The following IQSEC1 variants were observed in gnomAD, a reference collection of about 807,000 sequenced individuals.
IQSEC1 encodes the protein IQ motif and Sec7 domain ArfGEF 1, also known as IQ motif and SEC7 domain-containing protein 1.
In IQSEC1, 31 loss-of-function variants were observed where a neutral mutation model predicts 91.0. That is an observed-to-expected ratio of 0.34 (90% CI 0.26 to 0.46). The LOEUF is 0.46. IQSEC1 is among the 20% of genes least tolerant of loss of function. The pLI is 1.00. For synonymous variants in IQSEC1, 699 were observed against 662.6 expected (o/e 1.05, Z -0.84); for missense variants, 1,388 against 1,575.6 (o/e 0.88, Z 2.02).
chr3:12,920,467 C>T lies in IQSEC1; in HGVS notation c.1983G>A (p.Arg661=). 2.5e-6 allele frequency: 4 copies of T among 1,614,230 alleles called. No homozygotes were observed. Among genetic ancestry groups the T allele is most frequent in the Non-Finnish European group, 3.4e-6 (4 of 1,180,042 alleles). Residue 661 remains arginine (R), a synonymous_variant, in exon 6 of 14, where the codon CGG becomes CGA. Coordinates refer to ENST00000613206, the MANE Select transcript of IQSEC1 (RefSeq NM_001134382.3). ...TGATGAAGTCCTCTAGCTTCATTTT[C>T]CGCTCGGGCTTGACATTGGGGCTGT... ...DMYSPNVKPE[R]KMKLEDFIKN...
At chr3:12,971,446 C>A (rs535108457) in intron 1 of IQSEC1, among the ~76,000 whole-genome samples, 3 of 152,304 alleles carry the variant, frequency 2.0e-5, no homozygotes, top group African/African-American at 7.2e-5. Context: ...ACGTGCAATG[C>A]CTCTCAATGC....
intron 2 of IQSEC1, among the ~76,000 whole-genome samples, chr3:13,150,470 T>C (rs1706977089): frequency 6.6e-6 from 1 of 152,206 alleles, no homozygotes; most frequent in East Asian, 1.9e-4. Context: ...GGTTGGACCA[T>C]GCGTGAGGTG....
At chr3:13,032,970 C>T (rs1703902559) in intron 1 of IQSEC1, among the ~76,000 whole-genome samples, 1 of 152,242 alleles carries the variant, frequency 6.6e-6, no homozygotes, top group Non-Finnish European at 1.5e-5. Context: ...ACACGAGGGC[C>T]TCGGGGCCTG....
At chr3:13,102,277 G>T (rs1024446977) in intron 2 of IQSEC1, among the ~76,000 whole-genome samples, 1 of 151,254 alleles carries the variant, frequency 6.6e-6, no homozygotes, top group African/African-American at 2.4e-5. Flanking sequence ...GCAAGAACTT[G>T]TCTCAAAATA....
At chr3:13,175,952 C>T (rs999764814) in intron 1 of IQSEC1, among the ~76,000 whole-genome samples, 12 of 152,308 alleles carry the variant, frequency 7.9e-5, no homozygotes, top group East Asian at 3.9e-4. Context: ...TTGCAATTTA[C>T]GAATGCTGGG....
intron 1 of IQSEC1, among the ~76,000 whole-genome samples, chr3:13,203,468 C>A (rs901475866): frequency 3.9e-5 from 6 of 152,194 alleles, no homozygotes; most frequent in Non-Finnish European, 7.4e-5. Context: ...GTAGTGGGCA[C>A]CCCCAGATTC....
intron 1 of IQSEC1, among the ~76,000 whole-genome samples, chr3:13,263,440 A>G (rs1241312210): frequency 5.2e-4 from 47 of 90,108 alleles, no homozygotes; most frequent in African/African-American, 1.3e-3. Context: ...GGGGGGGGGG[A>G]AAGTACCTGA....
intron 1 of IQSEC1, among the ~76,000 whole-genome samples, chr3:13,260,036 C>T (rs1695354830): frequency 6.6e-6 from 1 of 152,222 alleles, no homozygotes; most frequent in Non-Finnish European, 1.5e-5. Flanking sequence ...GAGGCAAAAC[C>T]AGGAGCTGGA....
chr3:12,906,801 T>C (rs1695036158), intron 12 of IQSEC1, among the ~76,000 whole-genome samples: 1 of 152,208 alleles, frequency 6.6e-6, no homozygotes, highest in South Asian at 2.1e-4. Context: ...GCAGAACTGC[T>C]GCTGCCTGAG....
intron 1 of IQSEC1, among the ~76,000 whole-genome samples, chr3:12,991,227 G>A (rs1447462333): frequency 2.0e-5 from 3 of 152,204 alleles, no homozygotes; most frequent in African/African-American, 7.2e-5. Flanking sequence ...ATTTGCCAAA[G>A]AGGTATCATG....
At chr3:13,079,170 C>G (rs535499735) in intron 2 of IQSEC1, among the ~76,000 whole-genome samples, 1 of 152,208 alleles carries the variant, frequency 6.6e-6, no homozygotes, top group African/African-American at 2.4e-5. Flanking sequence ...CAGATGTGCA[C>G]GTGGAGTTGG....
At chr3:13,077,170 G>A (rs1403939345), upstream of IQSEC1, among the ~76,000 whole-genome samples, 1 of 151,884 alleles carries the variant, frequency 6.6e-6, no homozygotes, top group East Asian at 1.9e-4. Context: ...GGGACTATAG[G>A]CATGCACCAC....
chr3:13,096,219 A>G (rs1168151724), intron 2 of IQSEC1, among the ~76,000 whole-genome samples: 1 of 152,212 alleles, frequency 6.6e-6, no homozygotes, highest in African/African-American at 2.4e-5. Context: ...GTGTACCAAG[A>G]TCTGACCTGG....
chr3:13,015,386 C>A (rs985883219), intron 1 of IQSEC1, among the ~76,000 whole-genome samples: 4 of 152,064 alleles, frequency 2.6e-5, no homozygotes, highest in Non-Finnish European at 5.9e-5. Context: ...TGTTCCTGGG[C>A]CCAGGGCGAG....
At chr3:12,947,592 G>C (rs907540021) in intron 1 of IQSEC1, among the ~76,000 whole-genome samples, 35 of 152,164 alleles carry the variant, frequency 2.3e-4, no homozygotes, top group Non-Finnish European at 4.3e-4. Context: ...GCAAAGATGG[G>C]AATGGCCATG....
At chr3:13,079,308 T>C (rs772495310) in intron 2 of IQSEC1, among the ~76,000 whole-genome samples, 24 of 152,244 alleles carry the variant, frequency 1.6e-4, no homozygotes, top group Non-Finnish European at 2.1e-4. Context: ...TGCTGACCAA[T>C]GCTTGCTTTG....
intron 1 of IQSEC1, among the ~76,000 whole-genome samples, chr3:13,203,871 G>A (rs1396900937): frequency 1.3e-5 from 2 of 152,236 alleles, no homozygotes; most frequent in Non-Finnish European, 2.9e-5. Flanking sequence ...GCGGGGCCCT[G>A]AGCGTGCCAG....
Position 13,207,163 on chromosome 3 carries a change from C to A in IQSEC1, c.273-43030G>T, listed in dbSNP as rs1694359389. On this transcript the variant is annotated intron_variant, in intron 1 of 15. Coordinates refer to the IQSEC1 transcript ENST00000648114. The surrounding 1 kb of genome is among the most constrained non-coding windows in gnomAD (Gnocchi z 4.8). ...ACTTGTGCCCTCACCACCCACCTAT[C>A]CTTGTCACCTGATGTCTAACAAGCG... Among the ~76,000 whole-genome samples, 1 of 152,248 alleles carries A rather than the reference C, an allele frequency of 6.6e-6. No individual in the cohort carries two copies. Among genetic ancestry groups the A allele is most frequent in the South Asian group, 2.1e-4 (1 of 4,822 alleles).
At chr3:13,082,073 G>T (rs1250981197) in intron 2 of IQSEC1, among the ~76,000 whole-genome samples, 1 of 152,184 alleles carries the variant, frequency 6.6e-6, no homozygotes, top group Admixed American at 6.5e-5. Context: ...AGTGGAAGCA[G>T]TGGCCCCCGA....
Sources: allele counts gnomAD v4.1 joint callset (sites outside exome capture counted in the v4.1 genomes callset), GRCh38; gene constraint gnomAD v4.1.1; non-coding constraint Gnocchi (gnomAD v3.1); transcripts MANE v1.5; gene names NCBI Gene and HGNC (gene_info 2026-07-23, HGNC 2026-07-21).